The following CCDC73 variants were observed in gnomAD, a reference collection of about 807,000 sequenced individuals.
CCDC73 encodes the protein coiled-coil domain containing 73.
A neutral mutation model predicts 116.5 loss-of-function variants in CCDC73; 95 were observed. That is an observed-to-expected ratio of 0.82 (90% confidence interval 0.69 to 0.97). The LOEUF is 0.97. Among genes scored for constraint, CCDC73 ranks in the 50% least tolerant of loss-of-function variants. The pLI, the probability that CCDC73 is intolerant of heterozygous loss-of-function variation, is 0.00. For missense variants in CCDC73, 1,066 were observed against 1,206.8 expected, an observed-to-expected ratio of 0.88 and a Z score of 1.73; for synonymous variants, 398 against 401.3, an observed-to-expected ratio of 0.99 and a Z score of 0.10.
intron 2 of CCDC73, among the ~76,000 whole-genome samples, chr11:32,726,986 T>C (rs956490861): frequency 6.6e-6 from 1 of 152,196 alleles, no homozygotes; most frequent in Non-Finnish European, 1.5e-5. Flanking sequence ...GGTTACCACA[T>C]TGCATTTAGT....
chr11:32,623,142 G>A (rs1239608103), intron 14 of CCDC73, among the ~76,000 whole-genome samples: 1 of 152,050 alleles, frequency 6.6e-6, no homozygotes, highest in Non-Finnish European at 1.5e-5. Flanking sequence ...CTGAGTAGCT[G>A]GGATTACAGG....
chr11:32,807,311 T>C, the CCDC73 span, among the ~76,000 whole-genome samples: 1 of 152,164 alleles, frequency 6.6e-6, no homozygotes, highest in Non-Finnish European at 1.5e-5. Context: ...ACCCTCACTC[T>C]TTCGGCCTGC....
At chr11:32,769,650 T>C (rs1400158164) in intron 1 of CCDC73, among the ~76,000 whole-genome samples, 2 of 152,186 alleles carry the variant, frequency 1.3e-5, no homozygotes, top group Non-Finnish European at 2.9e-5. Context: ...AGAGTGTTAC[T>C]ATAGAGAGGG....
the CCDC73 span, among the ~76,000 whole-genome samples, chr11:32,818,763 G>A: frequency 6.6e-6 from 1 of 152,196 alleles, no homozygotes; most frequent in Non-Finnish European, 1.5e-5. Flanking sequence ...TATAATGCAC[G>A]TATGTTCTCT....
At chr11:32,765,972 C>T (rs530719473) in intron 1 of CCDC73, among the ~76,000 whole-genome samples, 7 of 152,170 alleles carry the variant, frequency 4.6e-5, no homozygotes, top group Non-Finnish European at 1.0e-4. Flanking sequence ...CCAGCATCAT[C>T]CTGATACCAA....
chr11:32,727,688 C>T (rs1850040207), intron 2 of CCDC73, among the ~76,000 whole-genome samples: 1 of 152,122 alleles, frequency 6.6e-6, no homozygotes, highest in South Asian at 2.1e-4. Context: ...TTCCCTGCCT[C>T]AGCCTCCTGT....
intron 2 of CCDC73, among the ~76,000 whole-genome samples, chr11:32,724,193 G>A (rs1171183858): frequency 6.6e-6 from 1 of 151,998 alleles, no homozygotes; most frequent in Non-Finnish European, 1.5e-5. Context: ...TAATTACCCA[G>A]TTTTCCCTCA....
chr11:32,656,202 C>T (rs891029684), intron 9 of CCDC73, among the ~76,000 whole-genome samples: 3 of 151,998 alleles, frequency 2.0e-5, no homozygotes, highest in African/African-American at 7.2e-5. Flanking sequence ...CTCAGCCTCC[C>T]GAGCAGCTGG....
At chr11:32,636,549 A>G (rs1161113224) in intron 13 of CCDC73, among the ~76,000 whole-genome samples, 1 of 152,142 alleles carries the variant, frequency 6.6e-6, no homozygotes, top group African/African-American at 2.4e-5. Context: ...GGAAAAGTAT[A>G]TTTGTGGTTT....
chr11:32,655,019 C>G (rs763014540), intron 9 of CCDC73, 47 bp from the exon 10 acceptor site: 94 of 1,505,358 alleles, frequency 6.2e-5, no homozygotes, highest in Middle Eastern at 1.7e-4. Context: ...ACATATTTCA[C>G]TAAAACAAGG....
At chr11:32,735,547 A>G (rs565514169) in intron 2 of CCDC73, among the ~76,000 whole-genome samples, 1 of 152,238 alleles carries the variant, frequency 6.6e-6, no homozygotes, top group Non-Finnish European at 1.5e-5. Context: ...ATGCTCATGG[A>G]TAGGAAGAAT....
chr11:32,829,765 G>C, the CCDC73 span: 1 of 985,252 alleles, frequency 1.0e-6, no homozygotes, highest in South Asian at 4.7e-5. Context: ...GGCGGCAGGC[G>C]GCTGGCCCGC....
chr11:32,645,160 TGGAAAATCTTCAG>T (rs1234465811), intron 12 of CCDC73, among the ~76,000 whole-genome samples: 2 of 152,218 alleles, frequency 1.3e-5, no homozygotes, highest in Non-Finnish European at 2.9e-5. Context: ...ATTTTCCCTC[TGGAAAATCTTCAG>T]GGACAGTAAT....
the CCDC73 span, among the ~76,000 whole-genome samples, chr11:32,821,434 G>A: frequency 3.9e-5 from 6 of 152,184 alleles, no homozygotes; most frequent in East Asian, 1.9e-4. Flanking sequence ...GCAGACTTAC[G>A]TTAACAGTTT....
At chr11:32,681,297 G>A (rs1470485257) in intron 7 of CCDC73, 2 of 151,942 alleles carry the variant, frequency 1.3e-5, no homozygotes, top group Non-Finnish European at 2.9e-5. Context: ...CATCTATGTA[G>A]TAATCACTAA....
chr11:32,827,045 T>C, the CCDC73 span, among the ~76,000 whole-genome samples: 180 of 152,176 alleles, frequency 1.2e-3, 1 homozygote, highest in African/African-American at 4.3e-3. Flanking sequence ...TTTGTATTTT[T>C]AGTAGAGACG....
chr11:32,666,255 T>C (rs777940179), intron 9 of CCDC73, among the ~76,000 whole-genome samples: 2 of 152,148 alleles, frequency 1.3e-5, no homozygotes, highest in Non-Finnish European at 2.9e-5. Flanking sequence ...TGCTGAGTGG[T>C]TTTCAACTTG....
In CCDC73 at chr11:32,612,038, T is replaced by C. The variant is rs145515952; in HGVS notation, c.2897-773A>G. Among the ~76,000 whole-genome samples, 11 of 152,348 alleles carry C rather than the reference T, an allele frequency of 7.2e-5. No homozygotes were observed. The East Asian group carries it at 1.7e-3, about 24-fold the overall frequency. ...TGGGAAATGAGGTTATACAGTGTTT[T>C]GGTTATTTGATTTTCGCCTACATTA... On this transcript the variant is annotated intron_variant, in intron 16 of 17. Coordinates refer to ENST00000335185, the MANE Select transcript of CCDC73 (RefSeq NM_001008391.4).
intron 14 of CCDC73, among the ~76,000 whole-genome samples, chr11:32,625,654 G>T (rs1012885689): frequency 6.6e-5 from 10 of 152,062 alleles, no homozygotes. Flanking sequence ...CTTCATCCCT[G>T]GGATGCAAGG....
Sources: gnomAD v4.1 joint callset for allele counts (sites outside exome capture counted in the v4.1 genomes callset) on GRCh38, gnomAD v4.1.1 for gene constraint, MANE v1.5 for transcripts, NCBI Gene and HGNC (gene_info 2026-07-23, HGNC 2026-07-21) for gene names.